The following ADCY4 variants were observed in gnomAD, a reference collection of about 807,000 sequenced individuals.
ADCY4 encodes the protein adenylate cyclase type 4.
ADCY4 carries 111 observed loss-of-function variants against 125.5 expected under a neutral mutation model. The observed-to-expected ratio is 0.88, with a 90% CI of 0.76 to 1.04. The LOEUF is 1.04. Among genes scored for constraint, ADCY4 ranks in the 50% least tolerant of loss-of-function variants. ADCY4 has a pLI of 0.00. For synonymous variants in ADCY4, 576 were observed against 586.9 expected (o/e 0.98, Z 0.27); for missense variants, 1,256 against 1,382.9 (o/e 0.91, Z 1.46).
chr14:24,325,390 G>A lies in ADCY4; in HGVS notation c.1810C>T (p.Leu604=). The change falls in exon 14 of 25, where the codon CTA becomes TTA. Residue 604 remains leucine, a synonymous_variant. Coordinates refer to ENST00000418030, the MANE Select transcript of ADCY4 (RefSeq NM_001198568.2). The part of the protein sequence containing the change: ...VFLSNFIIQM[L]VTNRPPALAI... ...GGGCACTCTCACCTGTTTGTCACTA[G>A]CATCTGGATGATGAAGTTGGAGAGA... is the stretch of plus-strand genomic sequence containing the variant. 1 of 1,613,520 alleles carries A rather than the reference G, an allele frequency of 6.2e-7. No homozygotes were observed. Among genetic ancestry groups the A allele is most frequent in the Non-Finnish European group, 8.5e-7 (1 of 1,179,834 alleles).
chr14:24,333,130 G>T (rs1478760029), intron 1 of ADCY4, 142 bp from the exon 2 acceptor site: 10 of 742,436 alleles, frequency 1.3e-5, no homozygotes, highest in Non-Finnish European at 1.8e-5. Flanking sequence ...AGGCACCTCC[G>T]CTTGCCATTC....
rs2041863715 is a variant in ADCY4, at chr14:24,322,242, G to C, written c.2428-18C>G. 4 of 1,603,332 alleles carry C rather than the reference G, an allele frequency of 2.5e-6. No individual in the cohort carries two copies. The highest frequency in any genetic ancestry group is 3.4e-6 in the Non-Finnish European group (4 of 1,172,900). ...TACTCATTCTGGGGAGGGTCACCCGGGGCCATGGGGAGACACAGAGCAGGG... is the reference window on the plus strand; with the variant it reads ...TACTCATTCTGGGGAGGGTCACCCGCGGCCATGGGGAGACACAGAGCAGGG... On this transcript the variant is annotated intron_variant, in intron 19 of 24. Transcript: ENST00000418030.
chr14:24,318,644 G>A lies in ADCY4; in HGVS notation c.3081+10C>T, dbSNP rs777261351. On this transcript the variant is annotated intron_variant, in intron 24 of 24. Transcript: ENST00000418030. Reference sequence around the variant, plus strand: ...CCCCTCCCCCTATGCCTCCAATGTGGTTCCCTCACTTGGATTTTGCCAAGG... The same window carrying A: ...CCCCTCCCCCTATGCCTCCAATGTGATTCCCTCACTTGGATTTTGCCAAGG... 1.9e-6 allele frequency: 3 copies of A among 1,614,136 alleles called. No homozygotes were observed. Among genetic ancestry groups the A allele is most frequent in the Non-Finnish European group, 1.7e-6 (2 of 1,180,010 alleles).
At chr14:24,318,925 A>C (rs567642246) in intron 23 of ADCY4, 147 bp from the exon 24 acceptor site, 1 of 1,405,830 alleles carries the variant, frequency 7.1e-7, no homozygotes, top group South Asian at 1.3e-5. Context: ...CTTAAGAAAA[A>C]GAGTGGGAGA....
chr14:24,324,251 G>C, intron 15 of ADCY4, 52 bp from the exon 16 acceptor site: 1 of 1,614,168 alleles, frequency 6.2e-7, no homozygotes, highest in South Asian at 1.1e-5. Context: ...ACCCTCTTCA[G>C]GACAGGTTGT....
In ADCY4 at chr14:24,330,645, G is replaced by A. The variant is rs558871716; in HGVS notation, c.931-350C>T. ...GGAGGCATCCCTGGAGTCTAAGCAG[G>A]TTGCTGGGCTGAGGTTGCATAGGGC... is the stretch of plus-strand genomic sequence containing the variant. On this transcript the variant is annotated intron_variant, in intron 6 of 24. Transcript: ENST00000418030. 7 of 340,586 alleles carry A rather than the reference G, an allele frequency of 2.1e-5. 1 individual carries two copies. The South Asian group carries it at 3.1e-4, about 15-fold the overall frequency. The allele number at this position is 340,586 out of a possible 1,614,324, so 21.1% of individuals were successfully genotyped here.
intron 20 of ADCY4, 88 bp downstream of exon 20, chr14:24,321,978 T>C: frequency 1.3e-6 from 2 of 1,489,234 alleles, no homozygotes; most frequent in South Asian, 1.4e-5. Flanking sequence ...CTGGGGGTTC[T>C]AGAGAAAACG....
chr14:24,322,870 G>C (rs774545029), intron 18 of ADCY4, 34 bp downstream of exon 18: 3 of 1,561,804 alleles, frequency 1.9e-6, no homozygotes, highest in Middle Eastern at 2.0e-4. Flanking sequence ...CCATCCCAGG[G>C]GGCCCGGCAC....
At chr14:24,325,577 A>G in intron 13 of ADCY4, 103 bp from the exon 14 acceptor site, 1 of 1,082,540 alleles carries the variant, frequency 9.2e-7, no homozygotes, top group South Asian at 1.4e-5. Flanking sequence ...CTCACCGCCC[A>G]GGCTCCAGTT....
chr14:24,325,449 A>T lies in ADCY4; in HGVS notation c.1751T>A (p.Phe584Tyr). ...KEYRLSAIPA[F>Y]KYYEACTFLV... ...GAAGGTGCAGGCTTCATAGTATTTG[A>T]AGGCGGGGATTGCAGAGAGTCGGTA... The change falls in exon 14 of 25, where the codon TTC (phenylalanine) becomes TAC (tyrosine). Residue 584 changes from phenylalanine (F) to tyrosine (Y), a missense_variant. Phe to Tyr is a conservative substitution (Grantham distance 22). Coordinates refer to ENST00000418030, the MANE Select transcript of ADCY4 (RefSeq NM_001198568.2). 1 of 1,613,786 alleles carries T rather than the reference A, an allele frequency of 6.2e-7. No individual in the cohort carries two copies. Among genetic ancestry groups the T allele is most frequent in the Non-Finnish European group, 8.5e-7 (1 of 1,179,946 alleles).
intron 13 of ADCY4, 51 bp from the exon 14 acceptor site, chr14:24,325,525 C>T (rs1319187504): frequency 2.7e-6 from 4 of 1,506,866 alleles, no homozygotes; most frequent in African/African-American, 2.8e-5. Flanking sequence ...CTACCCATCA[C>T]CTTGAAGGCA....
chr14:24,334,328 G>A lies in ADCY4; in HGVS notation c.159+166C>T, dbSNP rs550551998. On this transcript the variant is annotated intron_variant, in intron 1 of 24. Coordinates refer to ENST00000418030, the MANE Select transcript of ADCY4 (RefSeq NM_001198568.2). Reference sequence around the variant, plus strand: ...GCTTTCTCCCTGAGCAGACCCAGAAGGGTAGAGTGACTTGCCCAGGGTCAC... The same window carrying A: ...GCTTTCTCCCTGAGCAGACCCAGAAAGGTAGAGTGACTTGCCCAGGGTCAC... Among the ~76,000 whole-genome samples, 3 of 152,346 alleles carry A rather than the reference G, an allele frequency of 2.0e-5. No individual in the cohort carries two copies. In the East Asian group the frequency reaches 5.8e-4, roughly 29 times the overall value.
intron 10 of ADCY4, chr14:24,328,764 T>C: frequency 2.7e-6 from 1 of 365,080 alleles, no homozygotes; most frequent in Non-Finnish European, 5.0e-6. Context: ...TTCTACACTC[T>C]CTCGTCGTCG....
rs370407281 is a variant in ADCY4, at chr14:24,330,178, G to A, written c.1048C>T (p.Arg350Trp). 1.4e-5 allele frequency: 23 copies of A among 1,613,762 alleles called. No individual in the cohort carries two copies. Among genetic ancestry groups the A allele is most frequent in the Non-Finnish European group, 1.8e-5 (21 of 1,179,868 alleles). Residue 350 changes from arginine (R) to tryptophan (W), a missense_variant, in exon 7 of 25, where the codon CGG becomes TGG. Physicochemically the swap from Arg to Trp is moderately radical, Grantham distance 101. Coordinates refer to ENST00000418030, the MANE Select transcript of ADCY4 (RefSeq NM_001198568.2). ...NCVRMGLDMC[R>W]AIRKLRAATG... ...ACCGCCTGAGCTGACCTGATGGCCCGGCACATGTCCAGGCCCATGCGCACG... is the reference window on the plus strand; with the variant it reads ...ACCGCCTGAGCTGACCTGATGGCCCAGCACATGTCCAGGCCCATGCGCACG...
chr14:24,329,982 C>T lies in ADCY4; in HGVS notation c.1095G>A (p.Met365Ile). Residue 365 changes from methionine to isoleucine, a missense_variant, in exon 8 of 25, where the codon ATG becomes ATA. Met to Ile is a conservative substitution (Grantham distance 10). Coordinates refer to ENST00000418030, the MANE Select transcript of ADCY4 (RefSeq NM_001198568.2). ...LRAATGVDIN[M>I]RVGVHSGSVL... is the part of the protein sequence containing the mutation. ...CGCTGCCTGAGTGCACGCCCACACG[C>T]ATGTTGATGTCCACGCCAGTGGCTG... 1 of 1,614,086 alleles carries T rather than the reference C, an allele frequency of 6.2e-7. No individual in the cohort carries two copies. The highest frequency in any genetic ancestry group is 8.5e-7 in the Non-Finnish European group (1 of 1,179,958).
In ADCY4 at chr14:24,322,645, G is replaced by A. The variant is rs142869086; in HGVS notation, c.2406C>T (p.Thr802=). The A allele has an allele frequency of 2.0e-5, 33 of 1,614,044 alleles. No individual in the cohort carries two copies. In the African/African-American group the frequency reaches 4.1e-4, roughly 20 times the overall value. ...GAISFFIFFF[T]LLVLARQNEY... The stretch of plus-strand genomic sequence containing the variant: ...TTACCTGGCGAGCCAGGACAAGGAG[G>A]GTGAAGAAGAAGATGAAGAAGGAGA... Residue 802 remains threonine (T), a synonymous_variant, in exon 19 of 25, where the codon ACC becomes ACT. Coordinates refer to ENST00000418030, the MANE Select transcript of ADCY4 (RefSeq NM_001198568.2).
At position 24,332,985 on chromosome 14, in the gene ADCY4, G is replaced by C. The variant is rs745751479; in HGVS notation, c.163C>G (p.Leu55Val). Residue 55 changes from leucine (L) to valine (V), a missense_variant, in exon 2 of 25, where the codon CTG becomes GTG. Leu to Val is a conservative substitution (Grantham distance 32). Transcript: ENST00000418030. ...LAVAWASGRE[L>V]TSDPSFLTTV... ...GTCAGGAAGCTCGGGTCTGAGGTCAGCTCCTGTGGGCAGGGGTGTGTGAGG... is the reference window on the plus strand; with the variant it reads ...GTCAGGAAGCTCGGGTCTGAGGTCACCTCCTGTGGGCAGGGGTGTGTGAGG... 3.3e-6 allele frequency: 5 copies of C among 1,533,402 alleles called. No individual in the cohort carries two copies. The highest frequency in any genetic ancestry group is 4.4e-6 in the Non-Finnish European group (5 of 1,138,306). The allele number at this position is 1,533,402 out of a possible 1,614,324, so 95.0% of individuals were successfully genotyped here. A position where few individuals can be genotyped will look rare whatever the true frequency, so the allele number is the denominator to read the frequency against.
Position 24,319,568 on chromosome 14 carries a change from G to T in ADCY4, c.2734-132C>A. The T allele has an allele frequency of 8.2e-7, 1 of 1,221,496 alleles. No homozygotes were observed. Among genetic ancestry groups the T allele is most frequent in the Non-Finnish European group, 1.2e-6 (1 of 850,076 alleles). The allele number at this position is 1,221,496 out of a possible 1,614,324, so 75.7% of individuals were successfully genotyped here. ...TGGAGATAGTGTCAGGAAGGAGAGG[G>T]TTGGTGGTGGGCAGTGTTGCTGGAG... On this transcript the variant is annotated intron_variant, in intron 21 of 24. Transcript: ENST00000418030. This position sits in a 1 kb window ranked among gnomAD's most constrained non-coding sequence, Gnocchi z 4.5.
At chr14:24,324,983 C>T (rs1461019857) in intron 14 of ADCY4, among the ~76,000 whole-genome samples, 1 of 152,160 alleles carries the variant, frequency 6.6e-6, no homozygotes, top group Non-Finnish European at 1.5e-5. Context: ...GGATTACAGG[C>T]GTGAGCCATC....
Sources: gnomAD v4.1 joint callset for allele counts (sites outside exome capture counted in the v4.1 genomes callset) on GRCh38, gnomAD v4.1.1 for gene constraint, Gnocchi (gnomAD v3.1) non-coding constraint, MANE v1.5 for transcripts, NCBI Gene and HGNC (gene_info 2026-07-23, HGNC 2026-07-21) for gene names.